Variants in JAKMIP1 observed in about 807,000 individuals in gnomAD.
The protein encoded by JAKMIP1 is janus kinase and microtubule-interacting protein 1.
JAKMIP1 carries 33 observed loss-of-function variants against 113.0 expected under a neutral mutation model. That is an observed-to-expected ratio of 0.29 (90% confidence interval 0.22 to 0.39). JAKMIP1 has a LOEUF of 0.39. JAKMIP1 is among the 10% of genes least tolerant of loss of function. JAKMIP1 has a pLI of 1.00. For synonymous variants in JAKMIP1, 480 were observed against 459.9 expected, an observed-to-expected ratio of 1.04 and a Z score of -0.56; for missense variants, 813 against 1,080.5, an observed-to-expected ratio of 0.75 and a Z score of 3.47.
rs550001787 is a variant in JAKMIP1, at chr4:6,185,579, C to T, written c.-148+14674G>A. ...AGGAGAATGGCGTGAACCTGGGAGG[C>T]GGAGCTTGCAGTGAGCTGAGATCAC... is the stretch of plus-strand genomic sequence containing the variant. On this transcript the variant is annotated intron_variant, in intron 1 of 20. Coordinates refer to ENST00000409021, the MANE Select transcript of JAKMIP1 (RefSeq NM_001099433.2). This position sits in a 1 kb window ranked among gnomAD's most constrained non-coding sequence, Gnocchi z 5.3. 1.3e-5 allele frequency among the ~76,000 whole-genome samples: 2 copies of T among 152,250 alleles called. No individual in the cohort carries two copies. Among genetic ancestry groups the T allele is most frequent in the African/African-American group, 4.8e-5 (2 of 41,550 alleles).
In JAKMIP1 at chr4:6,066,261, A is replaced by T. The variant is rs73073455; in HGVS notation, c.1303-1253T>A. On this transcript the variant is annotated intron_variant, in intron 8 of 20. Transcript: ENST00000409021. ...GTGAGAAAAATGTGACTGGCACCAG[A>T]GTTAATAATGTGATTAGGAAATAAT... Among the ~76,000 whole-genome samples the T allele has an allele frequency of 4.8e-3, 733 of 152,216 alleles. 6 individuals carry two copies. Among genetic ancestry groups the T allele is most frequent in the African/African-American group, 0.017 (698 of 41,538 alleles).
intron 1 of JAKMIP1, among the ~76,000 whole-genome samples, chr4:6,182,422 AAAAAG>A (rs1453726275): frequency 0.017 from 2,515 of 149,168 alleles, 14 homozygotes; most frequent in Middle Eastern, 0.052. Flanking sequence ...AAAAAAAAAA[AAAAAG>A]AAAGAAAGAA....
intron 18 of JAKMIP1, among the ~76,000 whole-genome samples, chr4:6,039,256 T>A (rs142113992): frequency 5.9e-5 from 9 of 152,280 alleles, no homozygotes; most frequent in Non-Finnish European, 4.4e-5. Context: ...TGTTCCGAAG[T>A]GTGTTTTGGG....
chr4:6,098,568 A>AAGAAAGAAAGAAAGAAAGAAAG (rs779536102), intron 3 of JAKMIP1, among the ~76,000 whole-genome samples: 864 of 35,388 alleles, frequency 0.024, 12 homozygotes, highest in Middle Eastern at 0.056. Flanking sequence ...GAAAGAAAGA[A>AAGAAAGAAAGAAAGAAAGAAAG]AGAAAGAAAG....
chr4:6,118,234 A>G (rs540619978), intron 1 of JAKMIP1, among the ~76,000 whole-genome samples: 7 of 152,336 alleles, frequency 4.6e-5, no homozygotes, highest in Non-Finnish European at 8.8e-5. Flanking sequence ...TTCTTCTGCC[A>G]TGGCTTCAGC....
At chr4:6,043,260 C>A (rs1035064908) in intron 16 of JAKMIP1, among the ~76,000 whole-genome samples, 1 of 151,914 alleles carries the variant, frequency 6.6e-6, no homozygotes, top group Admixed American at 6.6e-5. Context: ...TGTGGAGCAC[C>A]CCCTTTCCTG....
At chr4:6,128,583 A>C (rs941791010) in intron 1 of JAKMIP1, among the ~76,000 whole-genome samples, 1 of 152,034 alleles carries the variant, frequency 6.6e-6, no homozygotes, top group Non-Finnish European at 1.5e-5. Flanking sequence ...GAACGGATCC[A>C]TTGTCTGCCT....
Position 6,105,602 on chromosome 4 carries a change from T to A in JAKMIP1, c.495A>T (p.Ala165=). 1.3e-6 allele frequency: 2 copies of A among 1,596,482 alleles called. No individual in the cohort carries two copies. Among genetic ancestry groups the A allele is most frequent in the Non-Finnish European group, 1.7e-6 (2 of 1,171,768 alleles). ...GCATGCAGTTACTGAGCGCCTCCTCTGCCTGCTTGCGCGCTGCCTTGAGCT... is the reference window on the plus strand; with the variant it reads ...GCATGCAGTTACTGAGCGCCTCCTCAGCCTGCTTGCGCGCTGCCTTGAGCT... The part of the protein sequence containing the change: ...ILELKAARKQ[A]EEALSNCMQA... Residue 165 remains alanine (A), a synonymous_variant, in exon 3 of 21, where the codon GCA becomes GCT. Coordinates refer to ENST00000409021, the MANE Select transcript of JAKMIP1 (RefSeq NM_001099433.2).
In JAKMIP1 at chr4:6,112,282, G is replaced by A. The variant is rs558338944; in HGVS notation, c.129+440C>T. Reference sequence around the variant, plus strand: ...AGGTGACCCATGGATCAAGGGTCAAGCTGTAACTGATCAAGTAGCCTCAGC... The same window carrying A: ...AGGTGACCCATGGATCAAGGGTCAAACTGTAACTGATCAAGTAGCCTCAGC... On this transcript the variant is annotated intron_variant, in intron 2 of 20. Transcript: ENST00000409021. Among the ~76,000 whole-genome samples, 6 of 152,320 alleles carry A rather than the reference G, an allele frequency of 3.9e-5. No individual in the cohort carries two copies. In the South Asian group the frequency reaches 6.2e-4, roughly 16 times the overall value.
chr4:6,043,367 G>T (rs6858798), intron 16 of JAKMIP1, among the ~76,000 whole-genome samples: 11,555 of 151,856 alleles, frequency 0.076, 1,330 homozygotes, highest in African/African-American at 0.25. Context: ...GCGGCAGCTG[G>T]TCACCCTCGC....
rs1721601295 is a variant in JAKMIP1 at position 6,088,434 on chromosome 4, C to G, written c.625-2805G>C. Among the ~76,000 whole-genome samples, 1 of 152,176 alleles carries G rather than the reference C, an allele frequency of 6.6e-6. No homozygotes were observed. The highest frequency in any genetic ancestry group is 2.4e-5 in the African/African-American group (1 of 41,440). On this transcript the variant is annotated intron_variant, in intron 3 of 20. Coordinates refer to ENST00000409021, the MANE Select transcript of JAKMIP1 (RefSeq NM_001099433.2). The surrounding 1 kb of genome is among the most constrained non-coding windows in gnomAD (Gnocchi z 5.5). Reference sequence around the variant, plus strand: ...CCGCCACTGCCTTCCACTAGCTCCCCACAAAAGACAGCACCGTCGCGAGCA... The same window carrying G: ...CCGCCACTGCCTTCCACTAGCTCCCGACAAAAGACAGCACCGTCGCGAGCA...
rs1274871045 is a variant in JAKMIP1 at position 6,138,736 on chromosome 4, C to T, written c.-147-25739G>A. On this transcript the variant is annotated intron_variant, in intron 1 of 20. Transcript: ENST00000409021. The surrounding 1 kb of genome is among the most constrained non-coding windows in gnomAD (Gnocchi z 6.0). Reference sequence around the variant, plus strand: ...GGCCAGCTCTGTCTCAGAATGGGTACGAATCTTGACTCTACCACTTGTTAG... The same window carrying T: ...GGCCAGCTCTGTCTCAGAATGGGTATGAATCTTGACTCTACCACTTGTTAG... Among the ~76,000 whole-genome samples the T allele has an allele frequency of 3.3e-5, 5 of 152,102 alleles. No individual in the cohort carries two copies. Among genetic ancestry groups the T allele is most frequent in the East Asian group, 3.9e-4 (2 of 5,190 alleles).
chr4:6,198,228 T>C (rs751629156), intron 1 of JAKMIP1, among the ~76,000 whole-genome samples: 3 of 152,210 alleles, frequency 2.0e-5, no homozygotes, highest in Non-Finnish European at 4.4e-5. Context: ...CGGCAGAGTC[T>C]GGGAAAATCA....
intron 3 of JAKMIP1, among the ~76,000 whole-genome samples, chr4:6,098,739 GGAA>G (rs1712484219): frequency 2.5e-4 from 2 of 7,882 alleles, no homozygotes; most frequent in Non-Finnish European, 5.0e-4. Flanking sequence ...AGAAAGAGAA[GGAA>G]GGAAGGAAGG....
In JAKMIP1 at chr4:6,056,742, T is replaced by G; in HGVS notation, c.1662A>C (p.Glu554Asp). 1 of 1,613,018 alleles carries G rather than the reference T, an allele frequency of 6.2e-7. No individual in the cohort carries two copies. The highest frequency in any genetic ancestry group is 8.5e-7 in the Non-Finnish European group (1 of 1,179,238). Residue 554 changes from glutamate to aspartate, a missense_variant, in exon 12 of 21, where the codon GAA (glutamate) becomes GAC (aspartate). Around this residue, in one of 2 missense-constraint regions of JAKMIP1, gnomAD observed 273 missense variants for 426.6 expected, o/e 0.64. Coordinates refer to ENST00000409021, the MANE Select transcript of JAKMIP1 (RefSeq NM_001099433.2). ...TTGTTCTGATGAGCAGCTGCTTCTC[T>G]TCAACCCACTTGGAATCCTAAGGAA... is the stretch of plus-strand genomic sequence containing the variant. ...VEKGQDSKWV[E>D]EKQLLIRTNQ...
intron 8 of JAKMIP1, among the ~76,000 whole-genome samples, chr4:6,073,031 T>C: frequency 6.9e-6 from 1 of 144,970 alleles, no homozygotes; most frequent in Admixed American, 7.1e-5. Flanking sequence ...CTGAGCTCCA[T>C]CACGCCACTA....
rs1240241066 is a variant in JAKMIP1, at chr4:6,154,656, G to A, written c.-147-41659C>T. Among the ~76,000 whole-genome samples the A allele has an allele frequency of 6.6e-6, 1 of 151,754 alleles. No individual in the cohort carries two copies. Among genetic ancestry groups the A allele is most frequent in the African/African-American group, 2.4e-5 (1 of 41,272 alleles). ...GCACGCAGGGACTGTGCCCAACTCTGCAGCCCTGGCAAATGGAATTCTTTT... is the reference window on the plus strand; with the variant it reads ...GCACGCAGGGACTGTGCCCAACTCTACAGCCCTGGCAAATGGAATTCTTTT... On this transcript the variant is annotated intron_variant, in intron 1 of 20. Transcript: ENST00000409021. This position sits in a 1 kb window ranked among gnomAD's most constrained non-coding sequence, Gnocchi z 4.2.
rs994042480 is a variant in JAKMIP1, at chr4:6,162,302, C to T, written c.-148+37951G>A. Reference sequence around the variant, plus strand: ...CAGGGCCAGCAGAGGAGAGACTCACCAGGACACTGCACTGCAGCCGAGCTT... The same window carrying T: ...CAGGGCCAGCAGAGGAGAGACTCACTAGGACACTGCACTGCAGCCGAGCTT... On this transcript the variant is annotated intron_variant, in intron 1 of 20. Transcript: ENST00000409021. This position sits in a 1 kb window ranked among gnomAD's most constrained non-coding sequence, Gnocchi z 5.6. 6.6e-6 allele frequency among the ~76,000 whole-genome samples: 1 copy of T among 152,126 alleles called. No homozygotes were observed. The highest frequency in any genetic ancestry group is 1.5e-5 in the Non-Finnish European group (1 of 68,030).
Position 6,049,938 on chromosome 4 carries a change from G to A in JAKMIP1, c.1909-66C>T. 1 of 1,159,086 alleles carries A rather than the reference G, an allele frequency of 8.6e-7. No individual in the cohort carries two copies. The allele number at this position is 1,159,086 out of a possible 1,614,324, so 71.8% of individuals were successfully genotyped here. A position where few individuals can be genotyped will look rare whatever the true frequency, so the allele number is the denominator to read the frequency against. ...GAGACCAACCATACCAATTTCTAGG[G>A]CCACGGCCTTTCCTCTGGACAAGAC... On this transcript the variant is annotated intron_variant, in intron 14 of 20. Coordinates refer to ENST00000409021, the MANE Select transcript of JAKMIP1 (RefSeq NM_001099433.2). This position sits in a 1 kb window ranked among gnomAD's most constrained non-coding sequence, Gnocchi z 7.0.
Sources: allele counts gnomAD v4.1 joint callset (sites outside exome capture counted in the v4.1 genomes callset), GRCh38; gene constraint gnomAD v4.1.1; regional missense constraint gnomAD v4.1.1; non-coding constraint Gnocchi (gnomAD v3.1); transcripts MANE v1.5; gene names NCBI Gene and HGNC (gene_info 2026-07-23, HGNC 2026-07-21).